LIMD1: variants seen among roughly 807,000 people sequenced by gnomAD.
The protein encoded by LIMD1 is LIM domain-containing protein 1.
LIMD1 carries 23 observed loss-of-function variants against 58.4 expected under a neutral mutation model. That is an observed-to-expected ratio of 0.39 (90% CI 0.28 to 0.56). LIMD1 has a LOEUF of 0.56. Among genes scored for constraint, LIMD1 ranks in the 20% least tolerant of loss-of-function variants. LIMD1 has a pLI of 0.57. For synonymous variants in LIMD1, 334 were observed against 345.5 expected, an observed-to-expected ratio of 0.97 and a Z score of 0.37; for missense variants, 838 against 855.5, an observed-to-expected ratio of 0.98 and a Z score of 0.25.
intron 2 of LIMD1, among the ~76,000 whole-genome samples, chr3:45,647,574 A>G (rs2125662162): frequency 6.6e-6 from 1 of 152,302 alleles, no homozygotes; most frequent in East Asian, 1.9e-4. Context: ...CATTGGTGGC[A>G]TTTGGATGCC....
chr3:45,620,522 T>C (rs1451803107), intron 1 of LIMD1, among the ~76,000 whole-genome samples: 1 of 152,174 alleles, frequency 6.6e-6, no homozygotes, highest in Non-Finnish European at 1.5e-5. Context: ...GCATGGTGGC[T>C]CATGCTTGTA....
At chr3:45,596,863 C>CT (rs1244008902) in intron 1 of LIMD1, among the ~76,000 whole-genome samples, 46,981 of 135,950 alleles carry the variant, frequency 0.35, 8,298 homozygotes, top group South Asian at 0.45. Context: ...AGCAGTGGAT[C>CT]TTTTTTTTTT....
intron 2 of LIMD1, among the ~76,000 whole-genome samples, chr3:45,648,965 G>A (rs2125662609): frequency 6.6e-6 from 1 of 152,208 alleles, no homozygotes; most frequent in East Asian, 1.9e-4. Flanking sequence ...TAGGATTTGG[G>A]AATATTTTCT....
chr3:45,640,710 G>A (rs376162029), intron 2 of LIMD1, among the ~76,000 whole-genome samples: 27 of 152,286 alleles, frequency 1.8e-4, no homozygotes, highest in African/African-American at 4.8e-4. Flanking sequence ...AATTACAAGC[G>A]TGAGCCACCA....
At chr3:45,666,489 CA>C (rs1697520498) in intron 3 of LIMD1, among the ~76,000 whole-genome samples, 1 of 152,156 alleles carries the variant, frequency 6.6e-6, no homozygotes, top group Non-Finnish European at 1.5e-5. Context: ...CTGGAATCCC[CA>C]GCTGCCCACA....
At chr3:45,615,456 C>T (rs1176125881) in intron 1 of LIMD1, among the ~76,000 whole-genome samples, 2 of 152,102 alleles carry the variant, frequency 1.3e-5, no homozygotes, top group African/African-American at 4.8e-5. Flanking sequence ...ATCAACTGAA[C>T]AGTGTAAATT....
At chr3:45,628,951 C>G (rs1701698010) in intron 1 of LIMD1, among the ~76,000 whole-genome samples, 1 of 152,122 alleles carries the variant, frequency 6.6e-6, no homozygotes, top group African/African-American at 2.4e-5. Flanking sequence ...TTTATATAAA[C>G]TAGAAAAGAC....
intron 2 of LIMD1, among the ~76,000 whole-genome samples, chr3:45,649,428 T>G (rs570681366): frequency 3.4e-4 from 51 of 151,986 alleles, no homozygotes; most frequent in Non-Finnish European, 6.5e-4. Flanking sequence ...ACGCCTGTAA[T>G]CCCAGCACTT....
At chr3:45,606,523 C>T (rs12630731) in intron 1 of LIMD1, among the ~76,000 whole-genome samples, 34,234 of 152,096 alleles carry the variant, frequency 0.23, 4,075 homozygotes, top group East Asian at 0.36. Flanking sequence ...TGTCCAGGAG[C>T]CTGTGCCTGC....
At chr3:45,658,535 C>CTTTTTTTTTTTTTT (rs10572210) in intron 2 of LIMD1, among the ~76,000 whole-genome samples, 10 of 44,756 alleles carry the variant, frequency 2.2e-4, no homozygotes, top group Non-Finnish European at 3.2e-4. Context: ...CATGCAGATT[C>CTTTTTTTTTTTTTT]TTTTTTTTTT....
intron 1 of LIMD1, chr3:45,612,818 G>T (rs1474773414): frequency 2.0e-5 from 3 of 152,164 alleles, no homozygotes; most frequent in African/African-American, 4.8e-5. Context: ...CTGTATTTGT[G>T]AATCAGCTTA....
chr3:45,647,744 C>A (rs562422213), intron 2 of LIMD1, among the ~76,000 whole-genome samples: 1 of 152,206 alleles, frequency 6.6e-6, no homozygotes. Context: ...TAGTCCAGTT[C>A]TTTTGCCTGG....
chr3:45,676,774 CG>C (rs762761151), intron 7 of LIMD1, 147 bp from the exon 8 acceptor site: 45 of 760,002 alleles, frequency 5.9e-5, no homozygotes, highest in Non-Finnish European at 9.7e-5. Context: ...CAGGCCTCCA[CG>C]GGGCAGGAGC....
chr3:45,616,577 T>G (rs1701578090), intron 1 of LIMD1, among the ~76,000 whole-genome samples: 1 of 5,438 alleles, frequency 1.8e-4, no homozygotes, highest in South Asian at 0.011. Context: ...TGCTGTGTGC[T>G]GCACCCGGGT....
intron 1 of LIMD1, among the ~76,000 whole-genome samples, chr3:45,619,759 A>G (rs879306673): frequency 2.6e-5 from 4 of 151,832 alleles, no homozygotes; most frequent in Admixed American, 2.0e-4. Flanking sequence ...AGATTGCACC[A>G]CTATACTCCA....
chr3:45,609,957 G>C (rs1479276025), intron 1 of LIMD1, among the ~76,000 whole-genome samples: 4 of 152,212 alleles, frequency 2.6e-5, no homozygotes, highest in African/African-American at 4.8e-5. Flanking sequence ...ACTTTGGGAG[G>C]CCGAGGTGGG....
At chr3:45,649,852 T>TG (rs1403427943) in intron 2 of LIMD1, among the ~76,000 whole-genome samples, 3 of 146,440 alleles carry the variant, frequency 2.0e-5, no homozygotes, top group Admixed American at 6.9e-5. Context: ...TTTTTTGTTT[T>TG]TTTTTTTTTT....
chr3:45,637,829 A>G lies in LIMD1; in HGVS notation c.1510+1578A>G, dbSNP rs558391564. On this transcript the variant is annotated intron_variant, in intron 2 of 7. Transcript: ENST00000273317. ...TTCTGAACCTCATGCTTCAGTCCTC[A>G]CTGCAATTTGCCTTAGAACACATGC... 7.4e-4 allele frequency among the ~76,000 whole-genome samples: 112 copies of G among 152,332 alleles called. 5 individuals are homozygous for G. In the South Asian group the frequency reaches 0.023, roughly 31 times the overall value.
intron 2 of LIMD1, among the ~76,000 whole-genome samples, chr3:45,646,276 CTG>C (rs1701906799): frequency 6.6e-6 from 1 of 152,236 alleles, no homozygotes; most frequent in African/African-American, 2.4e-5. Flanking sequence ...TCACCCCTCA[CTG>C]TGCGTCAGTC....
Sources: gnomAD v4.1 joint callset for allele counts (sites outside exome capture counted in the v4.1 genomes callset) on GRCh38, gnomAD v4.1.1 for gene constraint, MANE v1.5 for transcripts, NCBI Gene and HGNC (gene_info 2026-07-23, HGNC 2026-07-21) for gene names.